Variants in KAZN observed in about 807,000 individuals in gnomAD.
KAZN encodes the protein kazrin.
A neutral mutation model predicts 87.4 loss-of-function variants in KAZN; 40 were observed. That is an observed-to-expected ratio of 0.46 (90% CI 0.36 to 0.60). The LOEUF (loss-of-function observed/expected upper bound fraction) is 0.60. KAZN is among the 20% of genes least tolerant of loss of function. The pLI, the probability that KAZN is intolerant of heterozygous loss-of-function variation, is 0.00. For synonymous variants in KAZN, 466 were observed against 458.3 expected, an observed-to-expected ratio of 1.02 and a Z score of -0.22; for missense variants, 898 against 1,073.9, an observed-to-expected ratio of 0.84 and a Z score of 2.29.
chr1:14,720,398 G>A (rs1643030914), intron 1 of KAZN, among the ~76,000 whole-genome samples: 1 of 152,142 alleles, frequency 6.6e-6, no homozygotes, highest in Admixed American at 6.6e-5. Flanking sequence ...ATGCCACCGT[G>A]AGTCTGATTC....
chr1:15,032,551 C>G (rs1294024133), intron 2 of KAZN, among the ~76,000 whole-genome samples: 1 of 152,024 alleles, frequency 6.6e-6, no homozygotes, highest in African/African-American at 2.4e-5. Flanking sequence ...TGGCCTTTTC[C>G]CTTAGCATGT....
chr1:14,560,082 A>T (rs148987726), intron 2 of KAZN, among the ~76,000 whole-genome samples: 2 of 152,164 alleles, frequency 1.3e-5, no homozygotes, highest in South Asian at 4.1e-4. Flanking sequence ...TCTTTAATGA[A>T]GGTAAAGACA....
chr1:14,568,994 G>T (rs550210321), intron 2 of KAZN, among the ~76,000 whole-genome samples: 1 of 152,286 alleles, frequency 6.6e-6, no homozygotes, highest in South Asian at 2.1e-4. Flanking sequence ...TTCGGTTGAT[G>T]CAGAGTCACT....
chr1:14,738,989 C>G (rs80204739), intron 1 of KAZN, among the ~76,000 whole-genome samples: 4,770 of 152,146 alleles, frequency 0.031, 95 homozygotes, highest in South Asian at 0.071. Flanking sequence ...CCTGGGCAAC[C>G]TAGTGAAACC....
chr1:14,449,427 C>T (rs949325285), intron 2 of KAZN, among the ~76,000 whole-genome samples: 3 of 152,176 alleles, frequency 2.0e-5, no homozygotes, highest in South Asian at 2.1e-4. Flanking sequence ...CCCTCAGAAA[C>T]CTGGATGATG....
rs138983421 is a variant in KAZN at position 14,328,688 on chromosome 1, G to A, written c.249+148096G>A. On this transcript the variant is annotated intron_variant, in intron 2 of 16. Coordinates refer to the KAZN transcript ENST00000636203. The stretch of plus-strand genomic sequence containing the variant: ...ACTGTACTCCAGCCTGGGCAACAGA[G>A]CAAGACTCTGTCTCAAAAAAAAAGA... Among the ~76,000 whole-genome samples, 864 of 135,448 alleles carry A rather than the reference G, an allele frequency of 6.4e-3. 8 individuals carry two copies. Among genetic ancestry groups the A allele is most frequent in the African/African-American group, 0.022 (798 of 36,314 alleles). 88.9% of individuals were successfully genotyped at this position (135,448 alleles called of 152,430 possible).
At chr1:14,169,266 C>T (rs1001423676) in intron 1 of KAZN, among the ~76,000 whole-genome samples, 2 of 152,080 alleles carry the variant, frequency 1.3e-5, no homozygotes, top group African/African-American at 4.8e-5. Context: ...TGGGTCCTTA[C>T]CATGTCATTC....
intron 1 of KAZN, among the ~76,000 whole-genome samples, chr1:14,862,413 A>G (rs1262984417): frequency 6.6e-6 from 1 of 152,090 alleles, no homozygotes; most frequent in Non-Finnish European, 1.5e-5. Flanking sequence ...GGAGTTTCCC[A>G]TCCCAGTGCA....
At chr1:14,164,475 TG>T (rs1645777025) in intron 1 of KAZN, among the ~76,000 whole-genome samples, 2 of 151,254 alleles carry the variant, frequency 1.3e-5, no homozygotes, top group East Asian at 3.9e-4. Context: ...TGTGTGTGTG[TG>T]TGTGTTTGTA....
At chr1:14,192,954 G>C (rs571346132) in intron 2 of KAZN, among the ~76,000 whole-genome samples, 1 of 152,232 alleles carries the variant, frequency 6.6e-6, no homozygotes, top group African/African-American at 2.4e-5. Context: ...ATATGGTTAA[G>C]CTTTGTATCC....
At chr1:14,539,594 G>A (rs914999100) in intron 2 of KAZN, among the ~76,000 whole-genome samples, 2 of 152,028 alleles carry the variant, frequency 1.3e-5, no homozygotes, top group Non-Finnish European at 2.9e-5. Flanking sequence ...GAATATCAAA[G>A]AATTAAGAGA....
intron 1 of KAZN, among the ~76,000 whole-genome samples, chr1:14,050,595 G>A (rs749571449): frequency 1.1e-4 from 16 of 152,142 alleles, no homozygotes; most frequent in Non-Finnish European, 2.2e-4. Context: ...CAGCATGGAG[G>A]AAACTGCCCA....
intron 2 of KAZN, among the ~76,000 whole-genome samples, chr1:14,385,733 C>G (rs1434311757): frequency 2.7e-5 from 4 of 150,508 alleles, no homozygotes; most frequent in South Asian, 2.1e-4. Context: ...TTACTTCCAA[C>G]TATGTGGTCA....
intron 1 of KAZN, among the ~76,000 whole-genome samples, chr1:14,060,096 G>T (rs1472184951): frequency 6.6e-6 from 1 of 150,606 alleles, no homozygotes; most frequent in Non-Finnish European, 1.5e-5. Context: ...TGGGGGCAGT[G>T]GTTCACGCCT....
chr1:14,991,608 G>A (rs1368074688), intron 2 of KAZN, among the ~76,000 whole-genome samples: 3 of 152,204 alleles, frequency 2.0e-5, no homozygotes, highest in Admixed American at 1.3e-4. Context: ...ATGATCTTCA[G>A]GTCCCATGTC....
chr1:14,793,282 G>A (rs527838968), intron 1 of KAZN, among the ~76,000 whole-genome samples: 5 of 152,020 alleles, frequency 3.3e-5, no homozygotes, highest in Non-Finnish European at 7.4e-5. Context: ...AGGAAAGAGA[G>A]GATTGAGAGA....
intron 2 of KAZN, among the ~76,000 whole-genome samples, chr1:14,983,767 C>A (rs1666501484): frequency 6.6e-6 from 1 of 150,584 alleles, no homozygotes; most frequent in African/African-American, 2.4e-5. Flanking sequence ...CATGGTGAAA[C>A]CCTGTCTCTA....
At chr1:14,999,499 C>T (rs1044997408) in intron 2 of KAZN, among the ~76,000 whole-genome samples, 9 of 138,100 alleles carry the variant, frequency 6.5e-5, no homozygotes, top group Non-Finnish European at 1.3e-4. Context: ...TGCCTGCCCC[C>T]CTCCCCCCGC....
intron 1 of KAZN, among the ~76,000 whole-genome samples, chr1:13,911,913 G>A (rs932430456): frequency 6.6e-6 from 1 of 152,198 alleles, no homozygotes; most frequent in Non-Finnish European, 1.5e-5. Flanking sequence ...TGGGTTTGGT[G>A]TCAGATTTGC....
Sources: gnomAD v4.1 joint callset for allele counts (sites outside exome capture counted in the v4.1 genomes callset) on GRCh38, gnomAD v4.1.1 for gene constraint, MANE v1.5 for transcripts, NCBI Gene and HGNC (gene_info 2026-07-23, HGNC 2026-07-21) for gene names.